Variants in ABR observed in about 807,000 individuals in gnomAD.
ABR encodes the protein ABR activator of RhoGEF and GTPase, also known as active breakpoint cluster region-related protein.
In ABR, 35 loss-of-function variants were observed where a neutral mutation model predicts 107.2. The observed-to-expected ratio is 0.33, with a 90% CI of 0.25 to 0.43. The LOEUF (loss-of-function observed/expected upper bound fraction) is 0.43, where lower values mean the gene tolerates loss of function less well. Ranked by LOEUF, ABR falls within the 20% of genes least tolerant of loss-of-function variation. ABR has a pLI of 1.00. For missense variants in ABR, 815 were observed against 1,115.2 expected, an observed-to-expected ratio of 0.73 and a Z score of 3.83; for synonymous variants, 498 against 462.0, an observed-to-expected ratio of 1.08 and a Z score of -1.00.
In ABR at chr17:1,012,140, C is replaced by T. The variant is rs547319615; in HGVS notation, c.1962-155G>A. On this transcript the variant is annotated intron_variant, in intron 18 of 22. Transcript: ENST00000302538. Reference sequence around the variant, plus strand: ...GGCAGGGCAGAGAAAGAGGCCACCGCACCCCACCCCAGCCAGCCCACCCGA... The same window carrying T: ...GGCAGGGCAGAGAAAGAGGCCACCGTACCCCACCCCAGCCAGCCCACCCGA... 260 of 1,215,268 alleles carry T rather than the reference C, an allele frequency of 2.1e-4. 1 individual carries two copies. In the East Asian group the frequency reaches 6.5e-3, roughly 30 times the overall value. The allele number at this position is 1,215,268 out of a possible 1,614,324, so 75.3% of individuals were successfully genotyped here.
chr17:1,112,393 G>T (rs1363732016), intron 2 of ABR, among the ~76,000 whole-genome samples: 1 of 152,220 alleles, frequency 6.6e-6, no homozygotes, highest in Non-Finnish European at 1.5e-5. Flanking sequence ...TGGAAATAGG[G>T]AAGGGTTTCC....
chr17:1,016,275 C>T (rs1336541794), intron 16 of ABR, among the ~76,000 whole-genome samples: 1 of 151,996 alleles, frequency 6.6e-6, no homozygotes, highest in Non-Finnish European at 1.5e-5. Context: ...TTCTAAGTGG[C>T]CACTAGAGTC....
rs537675832 is a variant in ABR at position 1,012,700 on chromosome 17, C to T, written c.1949G>A (p.Ser650Asn). 2.0e-5 allele frequency: 31 copies of T among 1,583,066 alleles called. No individual in the cohort carries two copies. The highest frequency in any genetic ancestry group is 2.6e-5 in the Non-Finnish European group (30 of 1,163,186). ...KQTGVFGVKI[S>N]VVTKRERSKV... ...AGGCAGCACCTACTTCGTCACCACGCTGATCTTCACACCGAAGACGCCGGT... is the reference window on the plus strand; with the variant it reads ...AGGCAGCACCTACTTCGTCACCACGTTGATCTTCACACCGAAGACGCCGGT... Residue 650 changes from serine (S) to asparagine (N), a missense_variant, in exon 18 of 23, where the codon AGC becomes AAC. By Grantham distance (46) the Ser-to-Asn change is conservative. Around this residue, in one of 5 missense-constraint regions of ABR, gnomAD observed 175 missense variants for 284.3 expected, o/e 0.62. Coordinates refer to ENST00000302538, the MANE Select transcript of ABR (RefSeq NM_021962.5).
intron 1 of ABR, among the ~76,000 whole-genome samples, chr17:1,201,119 G>C (rs1480244327): frequency 6.6e-6 from 1 of 152,228 alleles, no homozygotes; most frequent in Non-Finnish European, 1.5e-5. Context: ...GGAGCAGCCG[G>C]GGAGGCTTTG....
At chr17:1,163,481 G>A (rs1396326466) in intron 1 of ABR, among the ~76,000 whole-genome samples, 1 of 151,742 alleles carries the variant, frequency 6.6e-6, no homozygotes, top group East Asian at 2.0e-4. Flanking sequence ...ACTGAATCCA[G>A]ACGCAGGGGC....
At position 1,100,671 on chromosome 17, in the gene ABR, T is replaced by G; in HGVS notation, c.311A>C (p.Glu104Ala). ...LVLSGFLASEEIYINQLEALL... is the reference protein window; with the variant it reads ...LVLSGFLASEAIYINQLEALL... ...GGCTTCCAGCTGGTTAATGTAGATC[T>G]CTTCGCTGGCCAAGAACCCCGAGAG... is the stretch of plus-strand genomic sequence containing the variant. The change falls in exon 3 of 23, where the codon GAG becomes GCG. Residue 104 changes from glutamate (E) to alanine (A), a missense_variant. By Grantham distance (107) the Glu-to-Ala change is moderately radical. Around this residue, in one of 5 missense-constraint regions of ABR, gnomAD observed 385 missense variants for 596.9 expected, o/e 0.64. Transcript: ENST00000302538. 1 of 1,614,186 alleles carries G rather than the reference T, an allele frequency of 6.2e-7. No individual in the cohort carries two copies. Among genetic ancestry groups the G allele is most frequent in the Admixed American group, 1.7e-5 (1 of 60,018 alleles).
intron 1 of ABR, among the ~76,000 whole-genome samples, chr17:1,174,841 AC>A (rs779200107): frequency 5.9e-5 from 9 of 152,070 alleles, no homozygotes; most frequent in Non-Finnish European, 1.3e-4. Flanking sequence ...AGTCCTAAAC[AC>A]ACATATAAAG....
rs2070544510 is a variant in ABR at position 1,011,514 on chromosome 17, G to C, written c.2101+332C>G. ...TGGAGACAGCAGGTGCAGGCTCAAA[G>C]CTCTTTCCCTGCGGCTCACCAGGCA... On this transcript the variant is annotated intron_variant, in intron 19 of 22. Coordinates refer to ENST00000302538, the MANE Select transcript of ABR (RefSeq NM_021962.5). This position sits in a 1 kb window ranked among gnomAD's most constrained non-coding sequence, Gnocchi z 4.8. The C allele has an allele frequency of 5.1e-6, 1 of 196,846 alleles. No individual in the cohort carries two copies. Among genetic ancestry groups the C allele is most frequent in the Non-Finnish European group, 1.0e-5 (1 of 96,470 alleles). 12.2% of individuals were successfully genotyped at this position (196,846 alleles called of 1,614,324 possible).
chr17:1,029,359 T>TC, intron 16 of ABR, among the ~76,000 whole-genome samples: 1 of 151,826 alleles, frequency 6.6e-6, no homozygotes, highest in East Asian at 1.9e-4. Flanking sequence ...CTGCCTCCTC[T>TC]CCCCCAGAAA....
In ABR at chr17:1,012,743, T is replaced by C; in HGVS notation, c.1906A>G (p.Thr636Ala). 2 of 1,598,524 alleles carry C rather than the reference T, an allele frequency of 1.3e-6. No individual in the cohort carries two copies. The highest frequency in any genetic ancestry group is 1.7e-6 in the Non-Finnish European group (2 of 1,171,970). Residue 636 changes from threonine to alanine, a missense_variant, in exon 18 of 23, where the codon ACC becomes GCC. Thr to Ala is a moderately conservative substitution (Grantham distance 58). Transcript: ENST00000302538. The stretch of plus-strand genomic sequence containing the variant: ...ACGCCGGTCTGCTTTTTGGACGGGG[T>C]CCTCTTCAGGCTCATATCTCGGCTG... The part of the protein sequence containing the change: ...FTSRDMSLKR[T>A]PSKKQTGVFG...
At chr17:1,060,221 G>A (rs998015200) in intron 10 of ABR, among the ~76,000 whole-genome samples, 9 of 152,084 alleles carry the variant, frequency 5.9e-5, no homozygotes, top group African/African-American at 7.2e-5. Flanking sequence ...GACCACCCTG[G>A]CCAACGTGGT....
chr17:1,113,327 C>T (rs2038821525), intron 2 of ABR, among the ~76,000 whole-genome samples: 1 of 131,266 alleles, frequency 7.6e-6, no homozygotes, highest in South Asian at 2.5e-4. Context: ...CGCTCTGTCA[C>T]CCAGGCTGGA....
intron 16 of ABR, among the ~76,000 whole-genome samples, chr17:1,048,216 C>T (rs996079216): frequency 5.3e-5 from 8 of 152,234 alleles, no homozygotes; most frequent in Admixed American, 1.3e-4. Context: ...AGCCCTGTCT[C>T]CCTAGTGACG....
intron 1 of ABR, among the ~76,000 whole-genome samples, chr17:1,223,820 A>G (rs2043165384): frequency 6.6e-6 from 1 of 152,000 alleles, no homozygotes; most frequent in Admixed American, 6.6e-5. Flanking sequence ...AAACCACCAG[A>G]TCTCATGAGA....
intron 16 of ABR, among the ~76,000 whole-genome samples, chr17:1,035,283 C>T (rs568047134): frequency 2.8e-4 from 42 of 151,416 alleles, no homozygotes; most frequent in African/African-American, 9.7e-4. Context: ...GCTATCCCAA[C>T]CACCTGGGAA....
rs191463233 is a variant in ABR at position 1,087,649 on chromosome 17, C to T, written c.531+4016G>A. Reference sequence around the variant, plus strand: ...TTCCAGGGAGTACTGAGGCCCGGCCCATCAATGCCCACGCTACACGAGGCA... The same window carrying T: ...TTCCAGGGAGTACTGAGGCCCGGCCTATCAATGCCCACGCTACACGAGGCA... On this transcript the variant is annotated intron_variant, in intron 4 of 22. Coordinates refer to ENST00000302538, the MANE Select transcript of ABR (RefSeq NM_021962.5). 2.6e-3 allele frequency among the ~76,000 whole-genome samples: 392 copies of T among 152,140 alleles called. 7 individuals are homozygous for T. Among genetic ancestry groups the T allele is most frequent in the Non-Finnish European group, 1.2e-3 (81 of 67,982 alleles).
At position 1,092,900 on chromosome 17, in the gene ABR, G is replaced by GGCTCACTGAAA. The variant is rs76792084; in HGVS notation, c.346-1051_346-1050insTTTCAGTGAGC. 6.9e-6 allele frequency among the ~76,000 whole-genome samples: 1 copy of GGCTCACTGAAA among 144,806 alleles called. No individual in the cohort carries two copies. The highest frequency in any genetic ancestry group is 2.5e-5 in the African/African-American group (1 of 39,656). The allele number at this position is 144,806 out of a possible 152,430, so 95.0% of individuals were successfully genotyped here. A position where few individuals can be genotyped will look rare whatever the true frequency, so the allele number is the denominator to read the frequency against. On this transcript the variant is annotated intron_variant, in intron 3 of 22. Transcript: ENST00000302538. This position sits in a 1 kb window ranked among gnomAD's most constrained non-coding sequence, Gnocchi z 4.6. ...GGCTGGAGTGCAGTGGTGCGATCTCGGCTCCGCCTCCCGGGTTCACGCCAT... is the reference window on the plus strand; with the variant it reads ...GGCTGGAGTGCAGTGGTGCGATCTCGGCTCACTGAAAGCTCCGCCTCCCGGGTTCACGCCAT...
chr17:1,024,380 G>A (rs895329367), intron 16 of ABR, among the ~76,000 whole-genome samples: 6 of 152,368 alleles, frequency 3.9e-5, no homozygotes, highest in Middle Eastern at 3.4e-3. Flanking sequence ...GCAGGACACC[G>A]CGGGTGAGAG....
chr17:1,108,465 C>G (rs576192043), intron 2 of ABR, among the ~76,000 whole-genome samples: 1 of 152,268 alleles, frequency 6.6e-6, no homozygotes, highest in South Asian at 2.1e-4. Context: ...TGTTCCCTCC[C>G]CCCTTCAGCT....
Sources: allele counts gnomAD v4.1 joint callset (sites outside exome capture counted in the v4.1 genomes callset), GRCh38; gene constraint gnomAD v4.1.1; regional missense constraint gnomAD v4.1.1; non-coding constraint Gnocchi (gnomAD v3.1); transcripts MANE v1.5; gene names NCBI Gene and HGNC (gene_info 2026-07-23, HGNC 2026-07-21).